Variants in OIT3 observed in about 807,000 individuals in gnomAD.
OIT3 encodes the protein oncoprotein induced transcript 3, also known as oncoprotein-induced transcript 3 protein.
A neutral mutation model predicts 52.2 loss-of-function variants in OIT3; 41 were observed. The observed-to-expected ratio is 0.79, with a 90% CI of 0.61 to 1.02. The LOEUF (loss-of-function observed/expected upper bound fraction) is 1.02. OIT3 is among the 50% of genes least tolerant of loss of function. The pLI is 0.00. For missense variants in OIT3, 634 were observed against 715.5 expected (o/e 0.89, Z 1.30); for synonymous variants, 244 against 276.9 (o/e 0.88, Z 1.18).
intron 6 of OIT3, chr10:72,917,980 C>A: frequency 3.7e-6 from 3 of 803,952 alleles, no homozygotes; most frequent in South Asian, 1.4e-5. Context: ...TCATTATCTT[C>A]ATCATTATCA....
rs962575225 is a variant in OIT3, at chr10:72,900,413, G to A, written c.473G>A (p.Ser158Asn). 9.3e-6 allele frequency: 15 copies of A among 1,611,874 alleles called. No homozygotes were observed. The highest frequency in any genetic ancestry group is 1.3e-5 in the African/African-American group (1 of 74,844). ...YDICDEDCHG[S>N]CSDTSECTCA... ...ATCTGCGACGAGGACTGCCATGGCA[G>A]CTGCTCAGATACCAGCGAGTGCACA... The change falls in exon 3 of 9, where the codon AGC becomes AAC. Residue 158 changes from serine (S) to asparagine (N), a missense_variant. By Grantham distance (46) the Ser-to-Asn change is conservative. Transcript: ENST00000334011.
At chr10:72,920,525 G>T (rs1174644433) in intron 6 of OIT3, among the ~76,000 whole-genome samples, 1 of 152,096 alleles carries the variant, frequency 6.6e-6, no homozygotes, top group Non-Finnish European at 1.5e-5. Flanking sequence ...GTGATGTCGG[G>T]TTGTTAACTT....
chr10:72,904,885 A>C (rs574323277), intron 3 of OIT3, among the ~76,000 whole-genome samples: 2 of 152,140 alleles, frequency 1.3e-5, no homozygotes, highest in South Asian at 2.1e-4. Context: ...AAATGGGTTT[A>C]TTTGGTTTAT....
intron 6 of OIT3, among the ~76,000 whole-genome samples, chr10:72,923,746 GTGGC>G: frequency 3.9e-5 from 6 of 152,218 alleles, no homozygotes; most frequent in Non-Finnish European, 7.3e-5. Flanking sequence ...AAGAAGCAGT[GTGGC>G]CATGCTTTCC....
chr10:72,915,247 T>G (rs1358093562), intron 6 of OIT3, among the ~76,000 whole-genome samples: 2 of 152,118 alleles, frequency 1.3e-5, no homozygotes, highest in Non-Finnish European at 2.9e-5. Context: ...AGTTAGAATA[T>G]AAAGCCATGT....
intron 3 of OIT3, among the ~76,000 whole-genome samples, chr10:72,901,298 A>G (rs906867100): frequency 1.3e-5 from 2 of 152,200 alleles, no homozygotes; most frequent in African/African-American, 4.8e-5. Flanking sequence ...AGCTTCACTG[A>G]TACAATTTTG....
At chr10:72,928,968 A>G (rs946086367) in intron 7 of OIT3, among the ~76,000 whole-genome samples, 5 of 152,080 alleles carry the variant, frequency 3.3e-5, no homozygotes, top group Non-Finnish European at 4.4e-5. Context: ...GCACTTTGGG[A>G]GGCCGAGGCG....
At position 72,906,709 on chromosome 10, in the gene OIT3, A is replaced by G; in HGVS notation, c.658A>G (p.Thr220Ala). 6.3e-7 allele frequency: 1 copy of G among 1,583,458 alleles called. No homozygotes were observed. The highest frequency in any genetic ancestry group is 8.6e-7 in the Non-Finnish European group (1 of 1,165,654). ...VGRVLRSDGKTCEDVEGCHNN... is the reference protein window; with the variant it reads ...VGRVLRSDGKACEDVEGCHNN... The stretch of plus-strand genomic sequence containing the variant: ...CCGTGTGCTAAGAAGTGATGGCAAG[A>G]CTTGTGAAGGTGAGAATGGGCAAAA... Residue 220 changes from threonine (T) to alanine (A), a missense_variant, in exon 4 of 9, where the codon ACT becomes GCT. Thr to Ala is a moderately conservative substitution (Grantham distance 58, BLOSUM62 0). Coordinates refer to ENST00000334011, the MANE Select transcript of OIT3 (RefSeq NM_152635.3).
chr10:72,918,515 A>G (rs1846093732), intron 6 of OIT3: 1 of 1,416,778 alleles, frequency 7.1e-7, no homozygotes, highest in South Asian at 1.1e-5. Context: ...GCTCATGTCC[A>G]TGTCCATCGA....
chr10:72,922,927 G>T (rs929881873), intron 6 of OIT3, among the ~76,000 whole-genome samples: 1 of 152,106 alleles, frequency 6.6e-6, no homozygotes, highest in African/African-American at 2.4e-5. Context: ...CCAGGCTGGA[G>T]TGCAGTGGTG....
At chr10:72,913,725 A>T (rs1356149848) in intron 6 of OIT3, 2 of 590,432 alleles carry the variant, frequency 3.4e-6, no homozygotes, top group Non-Finnish European at 6.4e-6. Flanking sequence ...ATTTTCCTGA[A>T]TGCATCAGTA....
chr10:72,917,937 G>T (rs1846087375), intron 6 of OIT3: 3 of 988,644 alleles, frequency 3.0e-6, no homozygotes, highest in Non-Finnish European at 3.2e-6. Context: ...ATCTTGTATA[G>T]ATTTCTTCAC....
intron 2 of OIT3, among the ~76,000 whole-genome samples, chr10:72,899,295 C>T (rs1845905551): frequency 6.6e-6 from 1 of 152,120 alleles, no homozygotes; most frequent in Non-Finnish European, 1.5e-5. Context: ...TCAAACAAAA[C>T]ATTAGAAAAT....
At chr10:72,899,079 C>G (rs1437218588) in intron 2 of OIT3, 41 bp downstream of exon 2, 1 of 1,551,082 alleles carries the variant, frequency 6.4e-7, no homozygotes, top group Non-Finnish European at 8.7e-7. Flanking sequence ...ACCAACAAGG[C>G]CACAGGTGGA....
intron 6 of OIT3, among the ~76,000 whole-genome samples, chr10:72,915,091 CCT>C (rs1390688373): frequency 6.6e-6 from 1 of 152,050 alleles, no homozygotes; most frequent in African/African-American, 2.4e-5. Context: ...GTCTTGAACT[CCT>C]GACCTCAGGT....
At chr10:72,899,803 T>G (rs1845915681) in intron 2 of OIT3, among the ~76,000 whole-genome samples, 1 of 152,120 alleles carries the variant, frequency 6.6e-6, no homozygotes, top group Non-Finnish European at 1.5e-5. Context: ...TTGTGTTTAG[T>G]GTCCACTGAT....
intron 6 of OIT3, among the ~76,000 whole-genome samples, chr10:72,916,505 C>T (rs1036576665): frequency 6.6e-6 from 1 of 152,216 alleles, no homozygotes; most frequent in Non-Finnish European, 1.5e-5. Context: ...GACATGATCT[C>T]ATTCTTTTTT....
intron 1 of OIT3, among the ~76,000 whole-genome samples, chr10:72,894,860 C>T (rs181818182): frequency 4.7e-4 from 71 of 151,852 alleles, no homozygotes; most frequent in Non-Finnish European, 9.3e-4. Context: ...TGCACTCCAG[C>T]CTGGGCAACA....
In OIT3 at chr10:72,918,298, T is replaced by G. The variant is rs1564594580; in HGVS notation, c.951+4830T>G. ...GAAACCGTTGGCTATACAGACATTTTCAAAGTTGCCAGTGTGACTTTAATT... is the reference window on the plus strand; with the variant it reads ...GAAACCGTTGGCTATACAGACATTTGCAAAGTTGCCAGTGTGACTTTAATT... On this transcript the variant is annotated intron_variant, in intron 6 of 8. Transcript: ENST00000334011. 1.8e-5 allele frequency: 14 copies of G among 775,214 alleles called. No individual in the cohort carries two copies. In the South Asian group the frequency reaches 1.9e-4, roughly 10 times the overall value. The allele number at this position is 775,214 out of a possible 1,614,324, so 48.0% of individuals were successfully genotyped here.
Sources: gnomAD v4.1 joint callset for allele counts (sites outside exome capture counted in the v4.1 genomes callset) on GRCh38, gnomAD v4.1.1 for gene constraint, MANE v1.5 for transcripts, NCBI Gene and HGNC (gene_info 2026-07-23, HGNC 2026-07-21) for gene names.